Variants in HCCS observed in about 807,000 individuals in gnomAD.
The protein encoded by HCCS is holocytochrome c-type synthase.
Under a neutral mutation model 24.2 loss-of-function variants are expected in HCCS, and 2 were observed. The observed-to-expected ratio is 0.08, with a 90% CI of 0.03 to 0.26. The LOEUF (loss-of-function observed/expected upper bound fraction) is 0.26. Among genes scored for constraint, HCCS ranks in the 10% least tolerant of loss-of-function variants. The pLI, the probability that HCCS is intolerant of heterozygous loss-of-function variation, is 1.00. For missense variants in HCCS, 150 were observed against 213.3 expected (o/e 0.70, Z 1.85); for synonymous variants, 73 against 76.2 (o/e 0.96, Z 0.22).
intron 2 of HCCS, among the ~76,000 whole-genome samples, chrX:11,114,473 C>G (rs958772065): frequency 3.9e-4 from 44 of 111,996 alleles, no homozygotes; most frequent in African/African-American, 1.4e-3. Context: ...GGCTGGTCCC[C>G]TCTTAGGTTC....
chrX:11,116,254 A>C lies in HCCS; in HGVS notation c.253-1013A>C, dbSNP rs189269282. ...CCCTACATTCTCCCCTTTAATCCTC[A>C]TAACAACTCTGTGCAGCCAGTATTC... is the stretch of plus-strand genomic sequence containing the variant. On this transcript the variant is annotated intron_variant, in intron 3 of 6. Coordinates refer to ENST00000380762, the MANE Select transcript of HCCS (RefSeq NM_005333.5). The C allele has an allele frequency of 4.5e-5, 5 of 111,991 alleles. No homozygotes were observed. In the East Asian group the frequency reaches 1.4e-3, roughly 32 times the overall value. 9.2% of individuals were successfully genotyped at this position (111,991 alleles called of 1,213,427 possible). A position where few individuals can be genotyped will look rare whatever the true frequency, so the allele number is the denominator to read the frequency against.
chrX:11,119,548 CAG>C (rs1379827201), intron 5 of HCCS, among the ~76,000 whole-genome samples: 1 of 112,785 alleles, frequency 8.9e-6, no homozygotes, highest in African/African-American at 3.2e-5. Flanking sequence ...ATGTCATAAA[CAG>C]TGGTTTTAAA....
chrX:11,116,618 C>T (rs1602703429), intron 3 of HCCS, among the ~76,000 whole-genome samples: 1 of 112,780 alleles, frequency 8.9e-6, no homozygotes, highest in East Asian at 2.8e-4. Context: ...GAACATCCTG[C>T]AGTGCTTAGA....
Position 11,112,175 on chromosome X carries a change from G to A in HCCS, c.100+15G>A, listed in dbSNP as rs1186903478. The A allele has an allele frequency of 3.5e-6, 4 of 1,146,646 alleles. No homozygotes were observed. The African/African-American group carries it at 5.3e-5, about 15-fold the overall frequency. 94.5% of individuals were successfully genotyped at this position (1,146,646 alleles called of 1,213,427 possible). On this transcript the variant is annotated intron_variant, in intron 2 of 6. Transcript: ENST00000380762. ...GAAAATGAAAGGTAATCGGCCCTTT[G>A]CCTAGAAAATAAAAACAAAAGATAA...
chrX:11,119,738 C>T (rs1318070834), intron 5 of HCCS, among the ~76,000 whole-genome samples: 3 of 112,255 alleles, frequency 2.7e-5, no homozygotes, highest in Non-Finnish European at 5.6e-5. Flanking sequence ...CAACTGCAAC[C>T]GTGTTGCCCT....
chrX:11,119,847 T>C (rs1304643227), intron 5 of HCCS: 2 of 248,564 alleles, frequency 8.0e-6, no homozygotes, highest in African/African-American at 2.9e-5. Context: ...TGTGTGATTA[T>C]GGAGCAAAGC....
chrX:11,121,134 G>A, intron 6 of HCCS, 141 bp downstream of exon 6: 1 of 554,238 alleles, frequency 1.8e-6, no homozygotes, highest in Admixed American at 2.5e-5. Flanking sequence ...TTCTCTCCCT[G>A]AGGTTTGCCC....
chrX:11,121,636 C>A lies in HCCS; in HGVS notation c.633C>A (p.His211Gln). The change falls in exon 7 of 7, where the codon CAC becomes CAA. Residue 211 changes from histidine (H) to glutamine (Q), a missense_variant. This residue lies in a region of HCCS where 55 missense variants were observed against 134.2 expected (regional missense o/e 0.41). Coordinates refer to ENST00000380762, the MANE Select transcript of HCCS (RefSeq NM_005333.5). ...GGTATGAGTTGCCTTTTGATAGGCA[C>A]GATTGGATCATAAACCGTTGCGGGA... ...WMGYELPFDR[H>Q]DWIINRCGTE... 1 of 1,210,203 alleles carries A rather than the reference C, an allele frequency of 8.3e-7. No homozygotes were observed.
chrX:11,116,681 G>C (rs778188186), intron 3 of HCCS, among the ~76,000 whole-genome samples: 83 of 112,342 alleles, frequency 7.4e-4, no homozygotes, highest in African/African-American at 2.6e-3. Flanking sequence ...CCACGGATGA[G>C]AGACCCTGGC....
intron 5 of HCCS, 92 bp from the exon 6 acceptor site, chrX:11,120,814 GA>G (rs1320982991): frequency 5.6e-6 from 4 of 713,534 alleles, no homozygotes; most frequent in Non-Finnish European, 9.0e-6. Context: ...ATGTATACAG[GA>G]AAAAAATGGA....
In HCCS at chrX:11,121,923, C is replaced by T; in HGVS notation, c.*113C>T. ...GTAATGGGAACTTCAAGTGGGTAAT[C>T]ACACTTTTTCCTTCACTTAACGAAG... On this transcript the variant is annotated 3_prime_UTR_variant, in exon 7 of 7. Coordinates refer to ENST00000380762, the MANE Select transcript of HCCS (RefSeq NM_005333.5). 1.6e-6 allele frequency: 1 copy of T among 606,601 alleles called. No individual in the cohort carries two copies. The highest frequency in any genetic ancestry group is 2.7e-6 in the Non-Finnish European group (1 of 372,097). 50.0% of individuals were successfully genotyped at this position (606,601 alleles called of 1,213,427 possible). A position where few individuals can be genotyped will look rare whatever the true frequency, so the allele number is the denominator to read the frequency against.
intron 2 of HCCS, among the ~76,000 whole-genome samples, chrX:11,113,822 T>C (rs1002333986): frequency 1.8e-5 from 2 of 112,274 alleles, no homozygotes; most frequent in Non-Finnish European, 3.8e-5. Flanking sequence ...AGGAAAGGCA[T>C]AGCAAGTCTT....
chrX:11,119,559 A>T (rs2045475330), intron 5 of HCCS, among the ~76,000 whole-genome samples: 1 of 112,760 alleles, frequency 8.9e-6, no homozygotes, highest in Non-Finnish European at 1.9e-5. Context: ...AGTGGTTTTA[A>T]ATTCATTGCA....
chrX:11,113,462 C>G (rs1313921249), intron 2 of HCCS, among the ~76,000 whole-genome samples: 1 of 112,182 alleles, frequency 8.9e-6, no homozygotes, highest in African/African-American at 3.3e-5. Flanking sequence ...TGCTCCAAGT[C>G]ACATAGTAAG....
At chrX:11,120,430 C>T (rs1416149944) in intron 5 of HCCS, among the ~76,000 whole-genome samples, 1 of 112,190 alleles carries the variant, frequency 8.9e-6, no homozygotes, top group Non-Finnish European at 1.9e-5. Flanking sequence ...GCTGGTCCAA[C>T]ATTAATTACA....
rs1433327582 is a variant in HCCS at position 11,111,477 on chromosome X, T to C, written c.-84T>C. On this transcript the variant is annotated 5_prime_UTR_variant, in exon 1 of 7. Transcript: ENST00000380762. ...AGGGCTTAGGTGCAGAAGGGCAGGCTGGCCGCGGCCGGTTTGGTCTGGGGA... is the reference window on the plus strand; with the variant it reads ...AGGGCTTAGGTGCAGAAGGGCAGGCCGGCCGCGGCCGGTTTGGTCTGGGGA... 1 of 139,590 alleles carries C rather than the reference T, an allele frequency of 7.2e-6. No homozygotes were observed. Among genetic ancestry groups the C allele is most frequent in the Non-Finnish European group, 1.4e-5 (1 of 71,272 alleles). The allele number at this position is 139,590 out of a possible 1,213,427, so 11.5% of individuals were successfully genotyped here.
intron 2 of HCCS, among the ~76,000 whole-genome samples, chrX:11,113,060 G>A (rs1251612592): frequency 8.9e-6 from 1 of 112,855 alleles, no homozygotes; most frequent in African/African-American, 3.2e-5. Flanking sequence ...CGGGCTTGCT[G>A]TCCATTCTTT....
At chrX:11,118,195 A>G (rs2045463610) in intron 4 of HCCS, 3 of 317,652 alleles carry the variant, frequency 9.4e-6, no homozygotes, top group Middle Eastern at 1.0e-3. Flanking sequence ...TATCTGAACA[A>G]TTGTCACCTT....
intron 2 of HCCS, 56 bp downstream of exon 2, chrX:11,112,216 G>T: frequency 1.1e-6 from 1 of 931,020 alleles, no homozygotes. Context: ...GGCTGGGTGC[G>T]GTGGTTCACG....
Sources: gnomAD v4.1 joint callset for allele counts (sites outside exome capture counted in the v4.1 genomes callset) on GRCh38, gnomAD v4.1.1 for gene constraint, gnomAD v4.1.1 regional missense constraint, MANE v1.5 for transcripts, NCBI Gene and HGNC (gene_info 2026-07-23, HGNC 2026-07-21) for gene names.